KIAA1328: variants seen among roughly 807,000 people sequenced by gnomAD.
KIAA1328 encodes KIAA1328, also known as protein hinderin.
KIAA1328 carries 52 observed loss-of-function variants against 68.1 expected under a neutral mutation model. The ratio of observed to expected loss-of-function variants is 0.76; its 90% CI spans 0.61 to 0.96. The LOEUF is 0.96. KIAA1328 is among the 40% of genes least tolerant of loss of function. The probability of loss-of-function intolerance (pLI) is 0.00; values close to 1 mark genes in which losing one functional copy is unlikely to be tolerated. For synonymous variants in KIAA1328, 232 were observed against 239.4 expected (o/e 0.97, Z 0.28); for missense variants, 641 against 677.6 (o/e 0.95, Z 0.60).
intron 6 of KIAA1328, 111 bp downstream of exon 6, chr18:36,959,546 C>CAAT: frequency 2.6e-6 from 3 of 1,164,338 alleles, no homozygotes; most frequent in Non-Finnish European, 2.4e-6. Flanking sequence ...TGTTTTAAAA[C>CAAT]ATGTAGCCAC....
chr18:36,983,991 A>G (rs2052802709), intron 6 of KIAA1328, among the ~76,000 whole-genome samples: 1 of 152,162 alleles, frequency 6.6e-6, no homozygotes, highest in Admixed American at 6.5e-5. Context: ...TTAATAAGCT[A>G]AAAAAGAGTG....
intron 6 of KIAA1328, among the ~76,000 whole-genome samples, chr18:37,041,569 T>C (rs1413311477): frequency 6.6e-6 from 1 of 152,092 alleles, no homozygotes; most frequent in East Asian, 1.9e-4. Flanking sequence ...GTCCTCTATT[T>C]TGCTGTTTTA....
intron 9 of KIAA1328, among the ~76,000 whole-genome samples, chr18:37,197,139 TC>T (rs2060019121): frequency 6.6e-6 from 1 of 152,050 alleles, no homozygotes; most frequent in African/African-American, 2.4e-5. Context: ...TTTGGTTTTT[TC>T]CCCCAGAGCC....
intron 7 of KIAA1328, among the ~76,000 whole-genome samples, chr18:37,154,299 C>T (rs935222772): frequency 3.3e-5 from 5 of 152,142 alleles, no homozygotes; most frequent in African/African-American, 1.2e-4. Context: ...AAATGTATTG[C>T]CAAGCTGTGA....
chr18:36,834,809 A>G (rs1258482036), intron 2 of KIAA1328, among the ~76,000 whole-genome samples: 1 of 152,154 alleles, frequency 6.6e-6, no homozygotes, highest in Non-Finnish European at 1.5e-5. Flanking sequence ...AAGTTAACAT[A>G]TATTTGGCAT....
intron 7 of KIAA1328, among the ~76,000 whole-genome samples, chr18:37,151,194 C>A (rs1320223926): frequency 1.3e-5 from 2 of 152,006 alleles, no homozygotes; most frequent in Non-Finnish European, 2.9e-5. Flanking sequence ...TCAAAACCAT[C>A]AAATAATGAA....
intron 6 of KIAA1328, among the ~76,000 whole-genome samples, chr18:36,981,365 A>G (rs1333615106): frequency 6.6e-6 from 1 of 152,200 alleles, no homozygotes; most frequent in African/African-American, 2.4e-5. Flanking sequence ...AGAAATACAT[A>G]AATATATAAT....
chr18:36,990,753 G>GT (rs1206043906), intron 6 of KIAA1328, among the ~76,000 whole-genome samples: 7 of 151,782 alleles, frequency 4.6e-5, no homozygotes, highest in Non-Finnish European at 1.0e-4. Context: ...CCTTGTACAT[G>GT]TAACTTTGAA....
chr18:36,892,892 A>C (rs1030884300), intron 5 of KIAA1328, among the ~76,000 whole-genome samples: 8 of 152,168 alleles, frequency 5.3e-5, no homozygotes, highest in Non-Finnish European at 5.9e-5. Context: ...AATGCTAACC[A>C]CAGGGAGAAA....
At chr18:36,913,896 A>G in intron 5 of KIAA1328, among the ~76,000 whole-genome samples, 1 of 152,138 alleles carries the variant, frequency 6.6e-6, no homozygotes, top group East Asian at 1.9e-4. Context: ...GTTTTTGACC[A>G]TCAGTTGCTT....
At chr18:36,885,723 C>T in intron 5 of KIAA1328, 51 bp downstream of exon 5, 7 of 986,524 alleles carry the variant, frequency 7.1e-6, no homozygotes, top group East Asian at 3.4e-5. Context: ...TTGACTATTT[C>T]TTTTTTTTTT....
At chr18:36,860,429 A>T (rs2047527265) in intron 4 of KIAA1328, among the ~76,000 whole-genome samples, 1 of 151,984 alleles carries the variant, frequency 6.6e-6, no homozygotes, top group Admixed American at 6.6e-5. Flanking sequence ...CTCTATATTT[A>T]TTAGTTTTAT....
chr18:37,160,873 C>T (rs1031596734), intron 8 of KIAA1328, among the ~76,000 whole-genome samples: 6 of 152,174 alleles, frequency 3.9e-5, no homozygotes, highest in Admixed American at 2.0e-4. Context: ...GTCAATAATA[C>T]TTCCTGTTAT....
chr18:37,201,003 C>T (rs1487852085), intron 9 of KIAA1328, among the ~76,000 whole-genome samples: 2 of 152,042 alleles, frequency 1.3e-5, no homozygotes, highest in East Asian at 3.9e-4. Context: ...TCTGATTAGT[C>T]CCATCCCAAG....
intron 6 of KIAA1328, among the ~76,000 whole-genome samples, chr18:36,970,661 TAGACAGAG>T (rs897155417): frequency 1.1e-4 from 17 of 151,638 alleles, no homozygotes; most frequent in African/African-American, 4.1e-4. Context: ...ACACCAATAA[TAGACAGAG>T]AGCCAAATCA....
chr18:36,885,232 C>A (rs1278946334), intron 4 of KIAA1328, among the ~76,000 whole-genome samples: 2 of 151,892 alleles, frequency 1.3e-5, no homozygotes, highest in Non-Finnish European at 2.9e-5. Flanking sequence ...AAAAATGAAA[C>A]CCATGTTTTA....
chr18:37,212,861 CA>C (rs567946934), intron 9 of KIAA1328, among the ~76,000 whole-genome samples: 99 of 152,304 alleles, frequency 6.5e-4, no homozygotes, highest in African/African-American at 2.2e-3. Context: ...GCTGGGACTA[CA>C]GGCACGAGCC....
intron 4 of KIAA1328, among the ~76,000 whole-genome samples, chr18:36,865,559 T>C (rs1458014087): frequency 6.6e-6 from 1 of 152,214 alleles, no homozygotes; most frequent in Non-Finnish European, 1.5e-5. Flanking sequence ...TTAGCTTTAA[T>C]ATATTCCCCC....
At chr18:36,838,473 G>T (rs759227394) in intron 3 of KIAA1328, among the ~76,000 whole-genome samples, 2 of 152,078 alleles carry the variant, frequency 1.3e-5, no homozygotes, top group Non-Finnish European at 2.9e-5. Flanking sequence ...AATTTTTTCA[G>T]CTCACGTATG....
Sources: allele counts gnomAD v4.1 joint callset (sites outside exome capture counted in the v4.1 genomes callset), GRCh38; gene constraint gnomAD v4.1.1; transcripts MANE v1.5; gene names NCBI Gene and HGNC (gene_info 2026-07-23, HGNC 2026-07-21).